Variants in ADGRL2 observed in about 807,000 individuals in gnomAD.
The protein encoded by ADGRL2 is calcium-independent alpha-latrotoxin receptor 2.
ADGRL2 carries 44 observed loss-of-function variants against 157.4 expected under a neutral mutation model. The observed-to-expected ratio is 0.28, with a 90% CI of 0.22 to 0.36. The LOEUF is 0.36. Among genes scored for constraint, ADGRL2 ranks in the 10% least tolerant of loss-of-function variants. The pLI is 1.00. For synonymous variants in ADGRL2, 585 were observed against 624.7 expected (o/e 0.94, Z 0.95); for missense variants, 1,510 against 1,768.9 (o/e 0.85, Z 2.63).
chr1:81,761,562 A>G (rs1306152634), intron 1 of ADGRL2, among the ~76,000 whole-genome samples: 1 of 151,990 alleles, frequency 6.6e-6, no homozygotes, highest in Non-Finnish European at 1.5e-5. Context: ...TAATTCTACA[A>G]TATTTCTTTT....
At chr1:81,599,807 C>T (rs2081302959) in intron 3 of ADGRL2, among the ~76,000 whole-genome samples, 1 of 152,090 alleles carries the variant, frequency 6.6e-6, no homozygotes, top group Admixed American at 6.6e-5. Context: ...ACATCAGAGA[C>T]AGGGATACAA....
At chr1:81,528,118 C>G (rs146475603) in intron 2 of ADGRL2, among the ~76,000 whole-genome samples, 230 of 152,258 alleles carry the variant, frequency 1.5e-3, no homozygotes, top group African/African-American at 5.4e-3. Context: ...AGAGTGAACC[C>G]TTACCAGACA....
intron 1 of ADGRL2, among the ~76,000 whole-genome samples, chr1:81,362,918 T>A (rs1218605918): frequency 6.6e-6 from 1 of 152,046 alleles, no homozygotes; most frequent in Non-Finnish European, 1.5e-5. Flanking sequence ...AAGCCTCTTG[T>A]GTTTTGGGAT....
chr1:81,874,440 T>C (rs1281962117), intron 2 of ADGRL2, among the ~76,000 whole-genome samples: 1 of 152,164 alleles, frequency 6.6e-6, no homozygotes, highest in African/African-American at 2.4e-5. Flanking sequence ...TAACTAGAGG[T>C]ACCTGCCTCT....
intron 1 of ADGRL2, among the ~76,000 whole-genome samples, chr1:81,415,385 T>C (rs2077015051): frequency 6.6e-6 from 1 of 152,152 alleles, no homozygotes; most frequent in South Asian, 2.1e-4. Context: ...GTGGCCTCAG[T>C]AGTTACAGAC....
intron 23 of ADGRL2, among the ~76,000 whole-genome samples, chr1:81,988,757 G>C (rs1663910912): frequency 6.6e-6 from 1 of 152,108 alleles, no homozygotes; most frequent in Admixed American, 6.6e-5. Flanking sequence ...TGTGTCAGGT[G>C]ATACAGATAT....
rs140150652 is a variant in ADGRL2, at chr1:81,944,264, T to A, written c.1210+495T>A. 7.4e-4 allele frequency among the ~76,000 whole-genome samples: 112 copies of A among 152,180 alleles called. 2 individuals carry two copies. Among genetic ancestry groups the A allele is most frequent in the African/African-American group, 2.6e-3 (109 of 41,552 alleles). On this transcript the variant is annotated intron_variant, in intron 6 of 23. Transcript: ENST00000686636. Reference sequence around the variant, plus strand: ...AGCCATCCAATATTTTTCTAGATTATCATGTAAAATTACATGTTTTTATTT... The same window carrying A: ...AGCCATCCAATATTTTTCTAGATTAACATGTAAAATTACATGTTTTTATTT...
At chr1:81,405,630 A>AC (rs1364764022) in intron 1 of ADGRL2, among the ~76,000 whole-genome samples, 3 of 108,040 alleles carry the variant, frequency 2.8e-5, no homozygotes, top group African/African-American at 1.1e-4. Flanking sequence ...AGCCTGAATG[A>AC]CAAAAAAAAA....
At chr1:81,791,977 T>G (rs1234243081) in intron 2 of ADGRL2, among the ~76,000 whole-genome samples, 1 of 152,166 alleles carries the variant, frequency 6.6e-6, no homozygotes, top group African/African-American at 2.4e-5. Context: ...CCTAATTAGT[T>G]TTGTGTATTA....
chr1:81,891,889 G>A (rs139550533), intron 2 of ADGRL2, among the ~76,000 whole-genome samples: 4 of 151,788 alleles, frequency 2.6e-5, no homozygotes, highest in East Asian at 3.9e-4. Context: ...AATTATTAAC[G>A]CATTTATGTT....
intron 2 of ADGRL2, among the ~76,000 whole-genome samples, chr1:81,844,207 G>A (rs920987340): frequency 6.6e-6 from 1 of 152,056 alleles, no homozygotes; most frequent in African/African-American, 2.4e-5. Flanking sequence ...GATTTTACAT[G>A]CATATTAGGC....
At chr1:81,986,786 C>A in intron 21 of ADGRL2, 115 bp from the exon 22 acceptor site, 1 of 1,002,928 alleles carries the variant, frequency 1.0e-6, no homozygotes, top group Non-Finnish European at 1.5e-6. Context: ...CCATTGCCAA[C>A]TTGTCCACTA....
chr1:81,311,381 G>A (rs1557586449), intron 1 of ADGRL2, among the ~76,000 whole-genome samples: 1 of 152,072 alleles, frequency 6.6e-6, no homozygotes, highest in East Asian at 1.9e-4. Context: ...TATCACACAA[G>A]TCAGCCTCTA....
In ADGRL2 at chr1:81,393,817, GC is replaced by G. The variant is rs1407796303; in HGVS notation, c.-301-51218del. The stretch of plus-strand genomic sequence containing the variant: ...TCTACTATGTTAATACTATTGCCTT[GC>G]TTTTTTTTTTTTTTTGCTTTTTTTT... On this transcript the variant is annotated intron_variant, in intron 1 of 24. Transcript: ENST00000370721. 4.6e-3 allele frequency among the ~76,000 whole-genome samples: 215 copies of G among 46,820 alleles called. 1 individual carries two copies. The highest frequency in any genetic ancestry group is 8.7e-3 in the Non-Finnish European group (186 of 21,398). The allele number at this position is 46,820 out of a possible 152,430, so 30.7% of individuals were successfully genotyped here.
chr1:81,675,666 C>T (rs1049552730), intron 3 of ADGRL2, among the ~76,000 whole-genome samples: 2 of 151,818 alleles, frequency 1.3e-5, no homozygotes, highest in South Asian at 4.2e-4. Flanking sequence ...ACTGCAACCT[C>T]TGCCTCCCCA....
chr1:81,603,792 G>T (rs1011528709), intron 3 of ADGRL2, among the ~76,000 whole-genome samples: 1 of 152,178 alleles, frequency 6.6e-6, no homozygotes, highest in African/African-American at 2.4e-5. Flanking sequence ...CATTAAAGGC[G>T]AGTCCTGTTC....
intron 2 of ADGRL2, among the ~76,000 whole-genome samples, chr1:81,538,792 C>T (rs1046437032): frequency 3.9e-5 from 6 of 151,984 alleles, no homozygotes; most frequent in Non-Finnish European, 7.4e-5. Context: ...ATTGCTTGAG[C>T]TCAGGAGTTC....
chr1:81,462,343 T>C (rs912814810), intron 2 of ADGRL2, among the ~76,000 whole-genome samples: 7 of 152,210 alleles, frequency 4.6e-5, no homozygotes, highest in Non-Finnish European at 8.8e-5. Flanking sequence ...GTTCTTTTGC[T>C]GTTTATCATA....
chr1:81,355,093 A>G (rs1222194011), intron 1 of ADGRL2, among the ~76,000 whole-genome samples: 1 of 152,196 alleles, frequency 6.6e-6, no homozygotes, highest in Non-Finnish European at 1.5e-5. Context: ...ATAAATCCCA[A>G]TGTTCATAGC....
Sources: allele counts gnomAD v4.1 joint callset (sites outside exome capture counted in the v4.1 genomes callset), GRCh38; gene constraint gnomAD v4.1.1; transcripts MANE v1.5; gene names NCBI Gene and HGNC (gene_info 2026-07-23, HGNC 2026-07-21).